Variants in C12orf56 observed in about 807,000 individuals in gnomAD.
C12orf56 encodes chromosome 12 open reading frame 56.
In C12orf56, 71 loss-of-function variants were observed where a neutral mutation model predicts 69.9. The ratio of observed to expected loss-of-function variants is 1.02; its 90% confidence interval spans 0.84 to 1.24. C12orf56 has a LOEUF of 1.24. C12orf56 is among the 50% of genes most tolerant of loss of function. The probability of loss-of-function intolerance (pLI) is 0.00; values close to 1 mark genes in which losing one functional copy is unlikely to be tolerated. For missense variants in C12orf56, 732 were observed against 738.5 expected, an observed-to-expected ratio of 0.99 and a Z score of 0.10; for synonymous variants, 276 against 274.1, an observed-to-expected ratio of 1.01 and a Z score of -0.07.
At chr12:64,333,570 C>T (rs375727696) in intron 2 of C12orf56, among the ~76,000 whole-genome samples, 3 of 152,220 alleles carry the variant, frequency 2.0e-5, no homozygotes, top group South Asian at 2.1e-4. Context: ...GGCACAATCT[C>T]GGCTCACTGC....
At chr12:64,301,770 G>A (rs1438738821) in intron 6 of C12orf56, among the ~76,000 whole-genome samples, 1 of 152,102 alleles carries the variant, frequency 6.6e-6, no homozygotes, top group Non-Finnish European at 1.5e-5. Flanking sequence ...CCGACCCTTG[G>A]TTTGGTCCAG....
chr12:64,374,412 GGA>G (rs532681654), intron 1 of C12orf56, among the ~76,000 whole-genome samples: 80 of 152,208 alleles, frequency 5.3e-4, no homozygotes, highest in Admixed American at 8.5e-4. Context: ...AATCTTGAAT[GGA>G]GAGTCATGGG....
At chr12:64,371,130 G>A (rs1301264738) in intron 1 of C12orf56, among the ~76,000 whole-genome samples, 2 of 152,202 alleles carry the variant, frequency 1.3e-5, no homozygotes, top group African/African-American at 2.4e-5. Flanking sequence ...AGCCAGACAC[G>A]GTGGCTCACA....
chr12:64,380,104 C>CAAAAAAAAAAA (rs60079906), intron 1 of C12orf56, among the ~76,000 whole-genome samples: 17 of 49,982 alleles, frequency 3.4e-4, no homozygotes, highest in East Asian at 2.5e-3. Context: ...GACTCCGTCG[C>CAAAAAAAAAAA]AAAAAAAAAA....
At position 64,272,326 on chromosome 12, in the gene C12orf56, G is replaced by A. The variant is rs548598643; in HGVS notation, c.1585-1612C>T. Among the ~76,000 whole-genome samples, 22 of 152,162 alleles carry A rather than the reference G, an allele frequency of 1.4e-4. No homozygotes were observed. In the South Asian group the frequency reaches 3.7e-3, roughly 26 times the overall value. ...TTGAGACCAGCGTGGCTAACATGGT[G>A]AAACCCTGTCTCTACTAAAAATACA... On this transcript the variant is annotated intron_variant, in intron 11 of 12. Coordinates refer to ENST00000543942, the MANE Select transcript of C12orf56 (RefSeq NM_001170633.2).
intron 1 of C12orf56, among the ~76,000 whole-genome samples, chr12:64,379,840 T>C (rs2039687722): frequency 6.7e-6 from 1 of 149,622 alleles, no homozygotes; most frequent in African/African-American, 2.5e-5. Context: ...TCCCAACACT[T>C]TGGGAGGCCG....
chr12:64,302,491 G>A (rs980280971), intron 6 of C12orf56, among the ~76,000 whole-genome samples: 17 of 152,184 alleles, frequency 1.1e-4, no homozygotes, highest in African/African-American at 3.9e-4. Flanking sequence ...GGACTGTCTT[G>A]TATGGTTGGG....
intron 2 of C12orf56, among the ~76,000 whole-genome samples, chr12:64,333,793 T>C (rs531940075): frequency 6.6e-6 from 1 of 152,316 alleles, no homozygotes; most frequent in Non-Finnish European, 1.5e-5. Flanking sequence ...TGAGCCACCA[T>C]GCCCAGCCTA....
At chr12:64,355,656 A>G (rs959883451) in intron 1 of C12orf56, 5 of 152,238 alleles carry the variant, frequency 3.3e-5, no homozygotes, top group Admixed American at 1.3e-4. Flanking sequence ...ATAGATAATC[A>G]TCAGACACCA....
At chr12:64,324,753 G>A (rs933789990) in intron 3 of C12orf56, among the ~76,000 whole-genome samples, 2 of 152,184 alleles carry the variant, frequency 1.3e-5, no homozygotes, top group African/African-American at 4.8e-5. Flanking sequence ...ATGGATTCAG[G>A]CAGAGGCAGA....
At chr12:64,320,510 T>C (rs1050319642) in intron 3 of C12orf56, among the ~76,000 whole-genome samples, 1 of 152,192 alleles carries the variant, frequency 6.6e-6, no homozygotes, top group Admixed American at 6.5e-5. Flanking sequence ...CTGCTAATAC[T>C]CTTCTGATTT....
intron 11 of C12orf56, among the ~76,000 whole-genome samples, chr12:64,271,479 C>A (rs2037990098): frequency 6.6e-6 from 1 of 152,182 alleles, no homozygotes; most frequent in Non-Finnish European, 1.5e-5. Flanking sequence ...AATTACAATC[C>A]ATAAACGTAG....
chr12:64,308,758 G>C (rs1264554853), intron 5 of C12orf56, among the ~76,000 whole-genome samples: 1 of 151,192 alleles, frequency 6.6e-6, no homozygotes, highest in Non-Finnish European at 1.5e-5. Context: ...CAGGAGAATT[G>C]CTTGAACCCG....
chr12:64,352,794 A>G, intron 2 of C12orf56, 100 bp downstream of exon 2: 1 of 1,117,514 alleles, frequency 8.9e-7, no homozygotes, highest in Non-Finnish European at 1.2e-6. Flanking sequence ...CCTGGATTTT[A>G]ACTGAACTAA....
chr12:64,268,498 T>C (rs371742117), intron 12 of C12orf56, among the ~76,000 whole-genome samples: 1 of 152,220 alleles, frequency 6.6e-6, no homozygotes, highest in South Asian at 2.1e-4. Flanking sequence ...ATGTCCAGAA[T>C]AGGCAAATCC....
intron 1 of C12orf56, 57 bp from the exon 2 acceptor site, chr12:64,353,113 G>C: frequency 6.5e-7 from 1 of 1,530,748 alleles, no homozygotes; most frequent in African/African-American, 1.4e-5. Flanking sequence ...TACCTATTTT[G>C]GTATAATAAA....
chr12:64,280,779 C>T (rs2038112214), intron 8 of C12orf56, among the ~76,000 whole-genome samples: 1 of 152,148 alleles, frequency 6.6e-6, no homozygotes, highest in South Asian at 2.1e-4. Flanking sequence ...AGCAATCACC[C>T]AAATGAGCTA....
At chr12:64,301,399 G>T (rs185518616) in intron 6 of C12orf56, among the ~76,000 whole-genome samples, 3 of 152,000 alleles carry the variant, frequency 2.0e-5, no homozygotes, top group African/African-American at 7.3e-5. Context: ...TCCTCAGGCC[G>T]CCACAAACAA....
intron 6 of C12orf56, among the ~76,000 whole-genome samples, chr12:64,298,025 C>T (rs2038391063): frequency 6.6e-6 from 1 of 152,190 alleles, no homozygotes; most frequent in African/African-American, 2.4e-5. Context: ...ATTCCTATTT[C>T]TCCACATCCT....
Sources: allele counts gnomAD v4.1 joint callset (sites outside exome capture counted in the v4.1 genomes callset), GRCh38; gene constraint gnomAD v4.1.1; transcripts MANE v1.5; gene names NCBI Gene and HGNC (gene_info 2026-07-23, HGNC 2026-07-21).